Variants in GRXCR1 observed in about 807,000 individuals in gnomAD.
GRXCR1 encodes glutaredoxin domain-containing cysteine-rich protein 1.
GRXCR1 carries 27 observed loss-of-function variants against 27.3 expected under a neutral mutation model. The ratio of observed to expected loss-of-function variants is 0.99; its 90% confidence interval spans 0.73 to 1.37. GRXCR1 has a LOEUF of 1.37. GRXCR1 is among the 40% of genes most tolerant of loss of function. The probability of loss-of-function intolerance (pLI) is 0.00; values close to 1 mark genes in which losing one functional copy is unlikely to be tolerated. For missense variants in GRXCR1, 379 were observed against 354.4 expected, an observed-to-expected ratio of 1.07 and a Z score of -0.56; for synonymous variants, 122 against 131.1, an observed-to-expected ratio of 0.93 and a Z score of 0.47.
chr4:42,936,545 T>C (rs1340945142), intron 1 of GRXCR1, among the ~76,000 whole-genome samples: 3 of 151,936 alleles, frequency 2.0e-5, no homozygotes. Flanking sequence ...TTAAAATAAG[T>C]GTGGTACATT....
At chr4:42,981,791 C>G (rs1450680989) in intron 2 of GRXCR1, among the ~76,000 whole-genome samples, 1 of 152,166 alleles carries the variant, frequency 6.6e-6, no homozygotes, top group Admixed American at 6.5e-5. Context: ...GCTAGGAAAT[C>G]TGCTGCTAGC....
chr4:43,010,137 C>T (rs1200496592), intron 2 of GRXCR1, among the ~76,000 whole-genome samples: 1 of 152,118 alleles, frequency 6.6e-6, no homozygotes, highest in Non-Finnish European at 1.5e-5. Flanking sequence ...TTAAGAGTAT[C>T]ATGCCTGTAA....
At chr4:42,951,531 C>T (rs527399932) in intron 1 of GRXCR1, among the ~76,000 whole-genome samples, 10 of 152,230 alleles carry the variant, frequency 6.6e-5, no homozygotes, top group African/African-American at 1.2e-4. Context: ...CTCTGATATA[C>T]GTTGCTAAAG....
chr4:42,954,845 G>C (rs1465434175), intron 1 of GRXCR1, among the ~76,000 whole-genome samples: 1 of 152,096 alleles, frequency 6.6e-6, no homozygotes, highest in Non-Finnish European at 1.5e-5. Flanking sequence ...TGTGGATAAA[G>C]CTTGCTGTGG....
intron 2 of GRXCR1, among the ~76,000 whole-genome samples, chr4:43,019,750 G>A (rs1713040487): frequency 6.6e-6 from 1 of 152,012 alleles, no homozygotes; most frequent in South Asian, 2.1e-4. Context: ...TTTTCTCTCT[G>A]TGTCTTCTCT....
chr4:42,928,033 T>C (rs1422938592), intron 1 of GRXCR1, among the ~76,000 whole-genome samples: 1 of 151,986 alleles, frequency 6.6e-6, no homozygotes, highest in Non-Finnish European at 1.5e-5. Context: ...GCAAGGAATC[T>C]GGCATATTTA....
At chr4:43,006,337 G>C (rs990772089) in intron 2 of GRXCR1, among the ~76,000 whole-genome samples, 5 of 152,188 alleles carry the variant, frequency 3.3e-5, no homozygotes, top group African/African-American at 1.2e-4. Context: ...GACTGCCGGT[G>C]AGCTGGGCAG....
intron 1 of GRXCR1, among the ~76,000 whole-genome samples, chr4:42,948,546 A>G (rs865946803): frequency 4.6e-5 from 7 of 152,156 alleles, no homozygotes; most frequent in Non-Finnish European, 8.8e-5. Context: ...TCTTATGCCT[A>G]TAACTTGGTA....
intron 1 of GRXCR1, among the ~76,000 whole-genome samples, chr4:42,936,726 T>C (rs1361117649): frequency 6.6e-6 from 1 of 151,904 alleles, no homozygotes; most frequent in African/African-American, 2.4e-5. Context: ...ATCTTGATAG[T>C]CGTGGAGAGT....
intron 2 of GRXCR1, among the ~76,000 whole-genome samples, chr4:43,006,004 T>C (rs915655976): frequency 6.6e-6 from 1 of 152,170 alleles, no homozygotes; most frequent in Non-Finnish European, 1.5e-5. Context: ...TTCATGGACA[T>C]TTATTAGTTC....
At chr4:42,922,666 C>A (rs1470643054) in intron 1 of GRXCR1, among the ~76,000 whole-genome samples, 1 of 152,042 alleles carries the variant, frequency 6.6e-6, no homozygotes, top group African/African-American at 2.4e-5. Context: ...TCTGAGGGAG[C>A]AGTAATGGTG....
chr4:42,897,574 A>T (rs1326538210), intron 1 of GRXCR1, among the ~76,000 whole-genome samples: 1 of 152,080 alleles, frequency 6.6e-6, no homozygotes, highest in African/African-American at 2.4e-5. Context: ...TAATATTTCA[A>T]GACAAATGAA....
intron 1 of GRXCR1, among the ~76,000 whole-genome samples, chr4:42,929,153 T>G (rs1747240769): frequency 6.6e-6 from 1 of 151,986 alleles, no homozygotes; most frequent in Non-Finnish European, 1.5e-5. Flanking sequence ...TATTATATTG[T>G]GCATAGGTTA....
intron 2 of GRXCR1, among the ~76,000 whole-genome samples, chr4:42,969,912 T>A (rs1041243641): frequency 2.6e-5 from 4 of 151,982 alleles, no homozygotes; most frequent in Non-Finnish European, 5.9e-5. Context: ...CTCCCTTCAA[T>A]CTATGAGCCT....
rs756951253 is a variant in GRXCR1, at chr4:43,030,380, A to G, written c.713A>G (p.Glu238Gly). The G allele has an allele frequency of 1.2e-6, 2 of 1,613,680 alleles. No homozygotes were observed. The highest frequency in any genetic ancestry group is 1.7e-6 in the Non-Finnish European group (2 of 1,179,964). The stretch of plus-strand genomic sequence containing the variant: ...ATACAGAGAGTACAGCATCCACATG[A>G]GTGTCCCTCTTGTGGAGGCTTTGGC... ...TKIERVQHPHECPSCGGFGFL... is the reference protein window; with the variant it reads ...TKIERVQHPHGCPSCGGFGFL... Residue 238 changes from glutamate to glycine, a missense_variant, in exon 4 of 4, where the codon GAG becomes GGG. Transcript: ENST00000399770.
intron 2 of GRXCR1, among the ~76,000 whole-genome samples, chr4:43,008,482 C>A (rs1712635131): frequency 6.6e-6 from 1 of 152,122 alleles, no homozygotes; most frequent in Admixed American, 6.5e-5. Flanking sequence ...AGATCTATGA[C>A]CAGATTTAAA....
chr4:43,029,806 G>T (rs767712491), intron 3 of GRXCR1, among the ~76,000 whole-genome samples: 1 of 152,098 alleles, frequency 6.6e-6, no homozygotes, highest in Non-Finnish European at 1.5e-5. Flanking sequence ...TTGTTAGGGT[G>T]GGTGAAGATT....
chr4:42,959,984 G>A (rs1748095319), intron 1 of GRXCR1, among the ~76,000 whole-genome samples: 1 of 152,042 alleles, frequency 6.6e-6, no homozygotes, highest in East Asian at 1.9e-4. Context: ...AACAGGTAAA[G>A]GGATATCCAT....
intron 1 of GRXCR1, among the ~76,000 whole-genome samples, chr4:42,942,276 A>G (rs2109763508): frequency 6.6e-6 from 1 of 152,200 alleles, no homozygotes; most frequent in African/African-American, 2.4e-5. Context: ...GTTGAAGTTT[A>G]TTTAAAAATC....
Sources: gnomAD v4.1 joint callset for allele counts (sites outside exome capture counted in the v4.1 genomes callset) on GRCh38, gnomAD v4.1.1 for gene constraint, MANE v1.5 for transcripts, NCBI Gene and HGNC (gene_info 2026-07-23, HGNC 2026-07-21) for gene names.